CMTM8: variants seen among roughly 807,000 people sequenced by gnomAD.
CMTM8 encodes the protein CKLF like MARVEL transmembrane domain containing 8.
A neutral mutation model predicts 18.6 loss-of-function variants in CMTM8; 12 were observed. The observed-to-expected ratio is 0.65, with a 90% CI of 0.41 to 1.05. The LOEUF is 1.05. CMTM8 is among the 50% of genes least tolerant of loss of function. The pLI, the probability that CMTM8 is intolerant of heterozygous loss-of-function variation, is 0.00. For missense variants in CMTM8, 217 were observed against 227.2 expected (o/e 0.95, Z 0.29); for synonymous variants, 87 against 90.6 (o/e 0.96, Z 0.23).
chr3:32,317,011 T>C (rs576165403), intron 1 of CMTM8, among the ~76,000 whole-genome samples: 3 of 152,194 alleles, frequency 2.0e-5, no homozygotes, highest in Non-Finnish European at 2.9e-5. Flanking sequence ...ATTGGAAGTG[T>C]CTTGGGATCT....
chr3:32,273,841 T>C (rs923577680), intron 1 of CMTM8, among the ~76,000 whole-genome samples: 2 of 152,146 alleles, frequency 1.3e-5, no homozygotes, highest in African/African-American at 4.8e-5. Context: ...TTATGATGTA[T>C]GCATTATATC....
At chr3:32,342,255 C>T (rs182406004) in intron 1 of CMTM8, among the ~76,000 whole-genome samples, 60 of 152,146 alleles carry the variant, frequency 3.9e-4, no homozygotes, top group African/African-American at 1.4e-3. Flanking sequence ...CTCAAAAAAA[C>T]CCAAAAAACA....
chr3:32,248,570 G>A (rs529139057), intron 1 of CMTM8, among the ~76,000 whole-genome samples: 1 of 151,522 alleles, frequency 6.6e-6, no homozygotes, highest in East Asian at 1.9e-4. Flanking sequence ...CACCACATTG[G>A]CCAGGTTGGT....
chr3:32,312,648 C>T (rs1227456982), intron 1 of CMTM8, among the ~76,000 whole-genome samples: 1 of 152,062 alleles, frequency 6.6e-6, no homozygotes, highest in Non-Finnish European at 1.5e-5. Context: ...ATGACAGAAG[C>T]ACGCTAGATT....
At chr3:32,285,753 C>A (rs1054693444) in intron 1 of CMTM8, among the ~76,000 whole-genome samples, 40 of 152,200 alleles carry the variant, frequency 2.6e-4, no homozygotes, top group African/African-American at 8.9e-4. Context: ...TCCCCCATTA[C>A]CCCAGCTGAG....
chr3:32,265,076 T>C (rs913421268), intron 1 of CMTM8, among the ~76,000 whole-genome samples: 2 of 152,078 alleles, frequency 1.3e-5, no homozygotes, highest in African/African-American at 4.8e-5. Context: ...TATCCAGGAA[T>C]TGAACTCAGC....
intron 1 of CMTM8, among the ~76,000 whole-genome samples, chr3:32,338,427 C>G (rs757746885): frequency 3.3e-5 from 5 of 152,104 alleles, no homozygotes; most frequent in Non-Finnish European, 7.4e-5. Context: ...TGTTAAGAAA[C>G]CAACTCTGCT....
chr3:32,355,373 T>G (rs1440330014), intron 1 of CMTM8, among the ~76,000 whole-genome samples: 1 of 152,204 alleles, frequency 6.6e-6, no homozygotes, highest in East Asian at 1.9e-4. Flanking sequence ...CCAGAAATCT[T>G]TCTAGATACC....
At chr3:32,336,102 T>C (rs1696380491) in intron 1 of CMTM8, among the ~76,000 whole-genome samples, 1 of 152,242 alleles carries the variant, frequency 6.6e-6, no homozygotes, top group Non-Finnish European at 1.5e-5. Context: ...ATCCTCCTTG[T>C]TTGATTTTTA....
intron 1 of CMTM8, among the ~76,000 whole-genome samples, chr3:32,281,388 A>G (rs1210318905): frequency 6.6e-6 from 1 of 152,178 alleles, no homozygotes; most frequent in East Asian, 1.9e-4. Context: ...CAAGGGAGCA[A>G]AAACTGGTTC....
intron 2 of CMTM8, among the ~76,000 whole-genome samples, chr3:32,361,288 T>TTTTTTTTTGTTTTTTTTTTG (rs1278506563): frequency 2.0e-5 from 3 of 147,206 alleles, no homozygotes; most frequent in African/African-American, 5.0e-5. Flanking sequence ...GCCTAAGAGT[T>TTTTTTTTTGTTTTTTTTTTG]TTTTTTTCTT....
Position 32,352,219 on chromosome 3 carries a change from GAA to G in CMTM8, c.148-5147_148-5146del, listed in dbSNP as rs58232920. ...CACACACTCACAAAAAAAAAAAAAAGAAAAAAAACTATCAAGAAATAAGAGGA... is the reference window on the plus strand; with the variant it reads ...CACACACTCACAAAAAAAAAAAAAAGAAAAAACTATCAAGAAATAAGAGGA... On this transcript the variant is annotated intron_variant, in intron 1 of 3. Coordinates refer to ENST00000307526, the MANE Select transcript of CMTM8 (RefSeq NM_178868.5). Among the ~76,000 whole-genome samples the G allele has an allele frequency of 6.5e-5, 9 of 139,442 alleles. No homozygotes were observed. The South Asian group carries it at 9.1e-4, about 14-fold the overall frequency. The allele number at this position is 139,442 out of a possible 152,430, so 91.5% of individuals were successfully genotyped here.
In CMTM8 at chr3:32,367,070, G is replaced by A. The variant is rs553453236; in HGVS notation, c.322-802G>A. The stretch of plus-strand genomic sequence containing the variant: ...CCTTCCTCTGTCTCCAAGTTACTGA[G>A]GGAAAGATGTTAGACCACAGAGGGC... On this transcript the variant is annotated intron_variant, in intron 2 of 3. Coordinates refer to ENST00000307526, the MANE Select transcript of CMTM8 (RefSeq NM_178868.5). Among the ~76,000 whole-genome samples, 12 of 152,242 alleles carry A rather than the reference G, an allele frequency of 7.9e-5. No homozygotes were observed. In the East Asian group the frequency reaches 2.3e-3, roughly 29 times the overall value.
At chr3:32,252,770 CT>C (rs1334635780) in intron 1 of CMTM8, among the ~76,000 whole-genome samples, 19 of 152,240 alleles carry the variant, frequency 1.2e-4, no homozygotes, top group African/African-American at 4.6e-4. Context: ...TCTTTTTATA[CT>C]TTTTTCCATT....
chr3:32,356,989 A>C (rs560947673), intron 1 of CMTM8, among the ~76,000 whole-genome samples: 21 of 152,314 alleles, frequency 1.4e-4, no homozygotes, highest in Non-Finnish European at 2.4e-4. Context: ...CTGGACTGCC[A>C]TGGTTACCTT....
At chr3:32,315,710 A>G (rs1270515523) in intron 1 of CMTM8, among the ~76,000 whole-genome samples, 1 of 152,230 alleles carries the variant, frequency 6.6e-6, no homozygotes, top group African/African-American at 2.4e-5. Flanking sequence ...AGATTTGACC[A>G]TGAACCTTTG....
chr3:32,311,945 T>C (rs1278319708), intron 1 of CMTM8, among the ~76,000 whole-genome samples: 2 of 152,154 alleles, frequency 1.3e-5, no homozygotes, highest in African/African-American at 2.4e-5. Flanking sequence ...GGAAGTCCTC[T>C]GGAGAACAAA....
chr3:32,295,455 C>CAAAAAAAAA lies in CMTM8; in HGVS notation c.147+56351_147+56359dup, dbSNP rs1400148634. On this transcript the variant is annotated intron_variant, in intron 1 of 3. Transcript: ENST00000307526. ...TGGGCAATAAAGCGAGACTCCATCTCAAAAAAAAAAAAAAAAAAAAAAACA... is the reference window on the plus strand; with the variant it reads ...TGGGCAATAAAGCGAGACTCCATCTCAAAAAAAAAAAAAAAAAAAAAAAAAAAAAAAACA... Among the ~76,000 whole-genome samples the CAAAAAAAAA allele has an allele frequency of 1.8e-4, 5 of 27,534 alleles. 1 individual carries two copies. The highest frequency in any genetic ancestry group is 2.6e-4 in the Non-Finnish European group (4 of 15,450). The allele number at this position is 27,534 out of a possible 152,430, so 18.1% of individuals were successfully genotyped here.
intron 1 of CMTM8, among the ~76,000 whole-genome samples, chr3:32,268,083 C>T (rs1393088123): frequency 6.6e-6 from 1 of 152,190 alleles, no homozygotes; most frequent in African/African-American, 2.4e-5. Context: ...ACCCAGCCAT[C>T]CCATTACTGG....
Sources: gnomAD v4.1 joint callset for allele counts (sites outside exome capture counted in the v4.1 genomes callset) on GRCh38, gnomAD v4.1.1 for gene constraint, MANE v1.5 for transcripts, NCBI Gene and HGNC (gene_info 2026-07-23, HGNC 2026-07-21) for gene names.